The following PPP6R2 variants were observed in gnomAD, a reference collection of about 807,000 sequenced individuals.
PPP6R2 encodes serine/threonine-protein phosphatase 6 regulatory subunit 2.
In PPP6R2, 62 loss-of-function variants were observed where a neutral mutation model predicts 100.2. The ratio of observed to expected loss-of-function variants is 0.62; its 90% CI spans 0.50 to 0.76. The LOEUF (loss-of-function observed/expected upper bound fraction) is 0.76, where lower values mean the gene tolerates loss of function less well. Among genes scored for constraint, PPP6R2 ranks in the 30% least tolerant of loss-of-function variants. The pLI is 0.00. For missense variants in PPP6R2, 1,142 were observed against 1,276.3 expected, an observed-to-expected ratio of 0.89 and a Z score of 1.60; for synonymous variants, 525 against 514.7, an observed-to-expected ratio of 1.02 and a Z score of -0.27.
chr22:50,361,719 A>G (rs1358588478), intron 1 of PPP6R2, among the ~76,000 whole-genome samples: 1 of 150,870 alleles, frequency 6.6e-6, no homozygotes, highest in African/African-American at 2.4e-5. Flanking sequence ...TCTGCCTTTG[A>G]CTCTTTGTTC....
At chr22:50,375,832 ATTTTTTTT>A (rs557118142) in intron 2 of PPP6R2, among the ~76,000 whole-genome samples, 1,078 of 64,572 alleles carry the variant, frequency 0.017, 60 homozygotes, top group African/African-American at 0.083. Context: ...ATCCCTGCAG[ATTTTTTTT>A]TTTTTTTTTT....
chr22:50,443,571 C>G (rs970094030), intron 22 of PPP6R2: 3 of 476,392 alleles, frequency 6.3e-6, no homozygotes, highest in Non-Finnish European at 7.6e-6. Flanking sequence ...GCACAGGAGG[C>G]TCTGGGGTCC....
chr22:50,444,040 G>C lies in PPP6R2; in HGVS notation c.2754G>C (p.Ala918=). The C allele has an allele frequency of 6.2e-7, 1 of 1,613,200 alleles. No individual in the cohort carries two copies. Among genetic ancestry groups the C allele is most frequent in the Non-Finnish European group, 8.5e-7 (1 of 1,179,862 alleles). ...CAGTCTCTTCTGCACTGGCCGTGGCGGTCCCCCTAGGGCCCATCATGGCAG... is the reference window on the plus strand; with the variant it reads ...CAGTCTCTTCTGCACTGGCCGTGGCCGTCCCCCTAGGGCCCATCATGGCAG... ...TPAVSSALAV[A]VPLGPIMAVT... The change falls in exon 23 of 24, where the codon GCG becomes GCC. Residue 918 remains alanine (A), a synonymous_variant. Coordinates refer to ENST00000612753, the MANE Select transcript of PPP6R2 (RefSeq NM_001242898.2).
intron 2 of PPP6R2, chr22:50,391,875 C>G (rs1241046809): frequency 2.7e-5 from 4 of 149,958 alleles, no homozygotes; most frequent in African/African-American, 9.9e-5. Flanking sequence ...AGGCTTCCAC[C>G]TTCTCTGTGG....
intron 3 of PPP6R2, among the ~76,000 whole-genome samples, chr22:50,401,753 C>G (rs2058080693): frequency 6.6e-6 from 1 of 151,988 alleles, no homozygotes; most frequent in African/African-American, 2.4e-5. Flanking sequence ...CGCCATTCTC[C>G]TGCCTCAGCC....
intron 1 of PPP6R2, among the ~76,000 whole-genome samples, chr22:50,351,762 T>C (rs953792059): frequency 6.6e-5 from 10 of 151,708 alleles, no homozygotes; most frequent in South Asian, 4.2e-4. Flanking sequence ...GCCTCTTGAG[T>C]AGCTGGGATT....
rs186505122 is a variant in PPP6R2, at chr22:50,419,276, G to A, written c.732-73G>A. On this transcript the variant is annotated intron_variant, in intron 7 of 23. Coordinates refer to ENST00000612753, the MANE Select transcript of PPP6R2 (RefSeq NM_001242898.2). ...GTTTTGCTGGGGTCCTCCACGGGGA[G>A]GAAGGAGCATCCTTGCATCCTTTGT... 5.4e-4 allele frequency: 730 copies of A among 1,359,232 alleles called. 2 individuals carry two copies. In the African/African-American group the frequency reaches 9.0e-3, roughly 17 times the overall value. The allele number at this position is 1,359,232 out of a possible 1,614,324, so 84.2% of individuals were successfully genotyped here. A position where few individuals can be genotyped will look rare whatever the true frequency, so the allele number is the denominator to read the frequency against.
At chr22:50,355,625 A>G (rs536805984) in intron 1 of PPP6R2, among the ~76,000 whole-genome samples, 4 of 150,316 alleles carry the variant, frequency 2.7e-5, no homozygotes, top group African/African-American at 4.9e-5. Flanking sequence ...GATTCACGCC[A>G]TTCTCCTGCC....
chr22:50,350,514 G>C, intron 1 of PPP6R2, among the ~76,000 whole-genome samples: 1 of 151,364 alleles, frequency 6.6e-6, no homozygotes, highest in South Asian at 2.1e-4. Flanking sequence ...TTACAGGCAT[G>C]AACCACTGCG....
intron 1 of PPP6R2, among the ~76,000 whole-genome samples, chr22:50,351,572 C>A (rs942306933): frequency 1.3e-5 from 2 of 151,928 alleles, no homozygotes; most frequent in African/African-American, 2.4e-5. Flanking sequence ...CATCAATTGT[C>A]CTAGCTGGAT....
chr22:50,436,932 G>C, intron 14 of PPP6R2, 56 bp from the exon 15 acceptor site: 1 of 1,426,852 alleles, frequency 7.0e-7, no homozygotes, highest in Non-Finnish European at 9.7e-7. Flanking sequence ...TGGGCTGGGT[G>C]GGGTCTGGGG....
At chr22:50,411,329 C>G (rs908887817) in intron 4 of PPP6R2, among the ~76,000 whole-genome samples, 3 of 152,098 alleles carry the variant, frequency 2.0e-5, no homozygotes, top group African/African-American at 7.2e-5. Context: ...TGGCACACGC[C>G]TGTAATCCCA....
chr22:50,354,868 C>CTTTT (rs762678639), intron 1 of PPP6R2, among the ~76,000 whole-genome samples: 18,731 of 125,894 alleles, frequency 0.15, 1,732 homozygotes, highest in South Asian at 0.29. Context: ...CTGGATCAGC[C>CTTTT]TTTTTTTTTT....
intron 3 of PPP6R2, among the ~76,000 whole-genome samples, chr22:50,403,892 G>A (rs1402040484): frequency 6.6e-6 from 1 of 152,126 alleles, no homozygotes; most frequent in Non-Finnish European, 1.5e-5. Context: ...CTGGCCAGCT[G>A]TTTCCTATAG....
At chr22:50,356,166 G>A (rs1439275546) in intron 1 of PPP6R2, among the ~76,000 whole-genome samples, 2 of 150,664 alleles carry the variant, frequency 1.3e-5, no homozygotes, top group Admixed American at 6.6e-5. Flanking sequence ...GGGTTTCACC[G>A]TGTTAGCCAG....
intron 2 of PPP6R2, among the ~76,000 whole-genome samples, chr22:50,378,706 C>T (rs2052192179): frequency 6.9e-6 from 1 of 144,036 alleles, no homozygotes; most frequent in Non-Finnish European, 1.5e-5. Flanking sequence ...ATGGTGAAAC[C>T]CCATCTCTAC....
At chr22:50,373,217 A>G (rs1290483119) in intron 2 of PPP6R2, among the ~76,000 whole-genome samples, 1 of 151,550 alleles carries the variant, frequency 6.6e-6, no homozygotes, top group East Asian at 1.9e-4. Context: ...TGCTGGATAA[A>G]TTAGAATAAA....
rs949038149 is a variant in PPP6R2 at position 50,388,012 on chromosome 22, C to A, written c.-16-5881C>A. 2.6e-5 allele frequency among the ~76,000 whole-genome samples: 4 copies of A among 152,054 alleles called. No individual in the cohort carries two copies. In the East Asian group the frequency reaches 7.7e-4, roughly 29 times the overall value. On this transcript the variant is annotated intron_variant, in intron 2 of 23. Coordinates refer to ENST00000612753, the MANE Select transcript of PPP6R2 (RefSeq NM_001242898.2). ...CTTTGATCATAAATCTTTAAAAGAA[C>A]AAAACAGTGGCTGGGCGCCAGTGGC...
Position 50,406,703 on chromosome 22 carries a change from C to G in PPP6R2, c.242C>G (p.Ala81Gly). 4 of 1,613,570 alleles carry G rather than the reference C, an allele frequency of 2.5e-6. No individual in the cohort carries two copies. Among genetic ancestry groups the G allele is most frequent in the Non-Finnish European group, 3.4e-6 (4 of 1,179,956 alleles). The part of the protein sequence containing the change: ...EKVRFKYPNT[A>G]CELLTCDVPQ... ...TGCCCTTTTAGATATCCAAACACAGCCTGTGAGCTTCTGACTTGTGATGTG... is the reference window on the plus strand; with the variant it reads ...TGCCCTTTTAGATATCCAAACACAGGCTGTGAGCTTCTGACTTGTGATGTG... The change falls in exon 4 of 24, where the codon GCC becomes GGC. Residue 81 changes from alanine to glycine, a missense_variant. Coordinates refer to ENST00000612753, the MANE Select transcript of PPP6R2 (RefSeq NM_001242898.2).
Sources: gnomAD v4.1 joint callset for allele counts (sites outside exome capture counted in the v4.1 genomes callset) on GRCh38, gnomAD v4.1.1 for gene constraint, MANE v1.5 for transcripts, NCBI Gene and HGNC (gene_info 2026-07-23, HGNC 2026-07-21) for gene names.